Variants in LGSN observed in about 807,000 individuals in gnomAD.
LGSN encodes the protein lengsin.
LGSN carries 21 observed loss-of-function variants against 19.5 expected under a neutral mutation model. That is an observed-to-expected ratio of 1.07 (90% CI 0.76 to 1.55). The LOEUF (loss-of-function observed/expected upper bound fraction) is 1.55, where lower values mean the gene tolerates loss of function less well. LGSN is among the 40% of genes most tolerant of loss of function. The probability of loss-of-function intolerance (pLI) is 0.00; values close to 1 mark genes in which losing one functional copy is unlikely to be tolerated. For synonymous variants in LGSN, 257 were observed against 215.6 expected, an observed-to-expected ratio of 1.19 and a Z score of -1.68; for missense variants, 673 against 608.5, an observed-to-expected ratio of 1.11 and a Z score of -1.12.
chr6:63,415,203 C>T, the LGSN span, among the ~76,000 whole-genome samples: 7 of 152,108 alleles, frequency 4.6e-5, no homozygotes, highest in Non-Finnish European at 7.3e-5. Flanking sequence ...CACCTGTAAT[C>T]CCAGCTACTC....
chr6:63,447,466 G>A, the LGSN span, among the ~76,000 whole-genome samples: 2 of 152,160 alleles, frequency 1.3e-5, no homozygotes, highest in South Asian at 2.1e-4. Flanking sequence ...TATGTTACTG[G>A]GATTAACTTG....
At chr6:63,557,064 G>A in the LGSN span, among the ~76,000 whole-genome samples, 16 of 152,290 alleles carry the variant, frequency 1.1e-4, no homozygotes, top group Non-Finnish European at 1.6e-4. Flanking sequence ...CTTATTATGT[G>A]CCAAGTACTG....
the LGSN span, among the ~76,000 whole-genome samples, chr6:63,377,681 G>A: frequency 1.3e-5 from 2 of 152,052 alleles, no homozygotes; most frequent in African/African-American, 4.8e-5. Context: ...GGGAAGCCGA[G>A]GCAGGAGGAT....
At chr6:63,528,326 T>C in the LGSN span, among the ~76,000 whole-genome samples, 1 of 152,048 alleles carries the variant, frequency 6.6e-6, no homozygotes. Flanking sequence ...CTGGGCACAG[T>C]GGTGTGAACC....
At chr6:63,322,789 T>C (rs995538895), upstream of LGSN, among the ~76,000 whole-genome samples, 1 of 152,118 alleles carries the variant, frequency 6.6e-6, no homozygotes, top group Non-Finnish European at 1.5e-5. Flanking sequence ...AAACCGATGA[T>C]TAAAAAATAT....
the LGSN span, among the ~76,000 whole-genome samples, chr6:63,499,464 C>T: frequency 6.6e-5 from 10 of 152,002 alleles, no homozygotes; most frequent in Admixed American, 2.6e-4. Flanking sequence ...AAAAGTTGTC[C>T]GGTTGCTATG....
At chr6:63,284,071 T>C (rs1352983462) in intron 3 of LGSN, among the ~76,000 whole-genome samples, 1 of 152,216 alleles carries the variant, frequency 6.6e-6, no homozygotes, top group East Asian at 1.9e-4. Flanking sequence ...AAATTACAAA[T>C]ATTAATTGTG....
At chr6:63,565,406 A>C in the LGSN span, among the ~76,000 whole-genome samples, 1 of 152,174 alleles carries the variant, frequency 6.6e-6, no homozygotes, top group Non-Finnish European at 1.5e-5. Flanking sequence ...AATGGGCATA[A>C]TAGAGATCGA....
At chr6:63,382,927 T>G in the LGSN span, among the ~76,000 whole-genome samples, 1 of 152,216 alleles carries the variant, frequency 6.6e-6, no homozygotes, top group African/African-American at 2.4e-5. Context: ...ACCATCATTA[T>G]TAGCCATGAA....
At chr6:63,391,167 A>G in the LGSN span, among the ~76,000 whole-genome samples, 1 of 152,230 alleles carries the variant, frequency 6.6e-6, no homozygotes, top group African/African-American at 2.4e-5. Flanking sequence ...GATAATGGAG[A>G]CAAATTTGCT....
At chr6:63,478,161 C>T in the LGSN span, among the ~76,000 whole-genome samples, 2 of 152,092 alleles carry the variant, frequency 1.3e-5, no homozygotes, top group Non-Finnish European at 2.9e-5. Flanking sequence ...ATTCACTGAA[C>T]CTACCTAAAT....
chr6:63,292,938 G>A lies in LGSN; in HGVS notation c.163+1975C>T, dbSNP rs894216787. On this transcript the variant is annotated intron_variant, in intron 2 of 3. Transcript: ENST00000370657. The stretch of plus-strand genomic sequence containing the variant: ...ATGTGGTAGACACTATCCCTCTAAC[G>A]TCCCACTCTGGTATATTCTCATCTT... Among the ~76,000 whole-genome samples, 35 of 152,108 alleles carry A rather than the reference G, an allele frequency of 2.3e-4. 1 individual carries two copies. Among genetic ancestry groups the A allele is most frequent in the Middle Eastern group, 6.3e-3 (2 of 316 alleles).
At chr6:63,292,161 G>A (rs916716025) in intron 2 of LGSN, among the ~76,000 whole-genome samples, 1 of 152,152 alleles carries the variant, frequency 6.6e-6, no homozygotes, top group Non-Finnish European at 1.5e-5. Flanking sequence ...TAAATGTACT[G>A]TTGCCTGGAG....
At chr6:63,367,309 A>T in the LGSN span, among the ~76,000 whole-genome samples, 1 of 152,250 alleles carries the variant, frequency 6.6e-6, no homozygotes, top group Non-Finnish European at 1.5e-5. Flanking sequence ...CCAAAAGAAG[A>T]CATTTATGCA....
chr6:63,519,507 C>T, the LGSN span, among the ~76,000 whole-genome samples: 2 of 152,160 alleles, frequency 1.3e-5, no homozygotes, highest in African/African-American at 4.8e-5. Context: ...TAATGATAAA[C>T]TGACTGATTG....
At chr6:63,327,422 C>G in the LGSN span, among the ~76,000 whole-genome samples, 1 of 152,300 alleles carries the variant, frequency 6.6e-6, no homozygotes, top group East Asian at 1.9e-4. Flanking sequence ...GAAGCCTTTT[C>G]CTGTAAACGC....
chr6:63,355,301 A>G, the LGSN span, among the ~76,000 whole-genome samples: 1 of 152,218 alleles, frequency 6.6e-6, no homozygotes, highest in Non-Finnish European at 1.5e-5. Context: ...CTTGGCAAAT[A>G]TGTATTGAGT....
the LGSN span, among the ~76,000 whole-genome samples, chr6:63,513,925 A>AC: frequency 1.3e-5 from 2 of 148,558 alleles, no homozygotes; most frequent in Non-Finnish European, 3.0e-5. Flanking sequence ...AAAAAAAAAA[A>AC]AAAAAAAAAA....
chr6:63,285,717 GGTGGGGTCAAAAT>G lies in LGSN; in HGVS notation c.187_199del (p.Ile63LeufsTer7), dbSNP rs755531516. On this transcript the variant is annotated frameshift_variant, in exon 3 of 4. Coordinates refer to ENST00000370657, the MANE Select transcript of LGSN (RefSeq NM_016571.3). LOFTEE classifies it high-confidence loss of function. ...GTGTTTCATTCTAGAAGAGAGTTGAGGTGGGGTCAAAATTTGACTGCTGTCCCTCATGCAATCT... is the reference window on the plus strand; with the variant it reads ...GTGTTTCATTCTAGAAGAGAGTTGAGTTGACTGCTGTCCCTCATGCAATCT... 42 of 1,613,830 alleles carry G rather than the reference GGTGGGGTCAAAAT, an allele frequency of 2.6e-5. No homozygotes were observed. The highest frequency in any genetic ancestry group is 3.2e-5 in the Non-Finnish European group (38 of 1,179,936).
Sources: gnomAD v4.1 joint callset for allele counts (sites outside exome capture counted in the v4.1 genomes callset) on GRCh38, gnomAD v4.1.1 for gene constraint, MANE v1.5 for transcripts, NCBI Gene and HGNC (gene_info 2026-07-23, HGNC 2026-07-21) for gene names.